The following RUSC2 variants were observed in gnomAD, a reference collection of about 807,000 sequenced individuals.
RUSC2 encodes RUN and SH3 domain containing 2.
A neutral mutation model predicts 122.2 loss-of-function variants in RUSC2; 34 were observed. That is an observed-to-expected ratio of 0.28 (90% CI 0.21 to 0.37). RUSC2 has a LOEUF of 0.37. Ranked by LOEUF, RUSC2 falls within the 10% of genes least tolerant of loss-of-function variation. The pLI is 1.00. For synonymous variants in RUSC2, 784 were observed against 790.0 expected (o/e 0.99, Z 0.13); for missense variants, 1,747 against 1,952.4 (o/e 0.89, Z 1.98).
intron 2 of RUSC2, among the ~76,000 whole-genome samples, chr9:35,554,134 A>G (rs569669432): frequency 2.6e-5 from 4 of 152,016 alleles, no homozygotes; most frequent in African/African-American, 9.7e-5. Context: ...GCGTGCTTAT[A>G]GCGCCATCTT....
chr9:35,499,984 G>A (rs1820791726), intron 1 of RUSC2, among the ~76,000 whole-genome samples: 1 of 152,136 alleles, frequency 6.6e-6, no homozygotes, highest in South Asian at 2.1e-4. Flanking sequence ...TAAAGATACA[G>A]TCAAACTTTG....
intron 1 of RUSC2, among the ~76,000 whole-genome samples, chr9:35,525,245 G>A (rs1821302777): frequency 6.6e-6 from 1 of 152,166 alleles, no homozygotes; most frequent in South Asian, 2.1e-4. Context: ...GAAATAGAAG[G>A]AAGAAGTCTA....
chr9:35,537,829 T>G (rs1375714321), intron 1 of RUSC2, among the ~76,000 whole-genome samples: 2 of 152,206 alleles, frequency 1.3e-5, no homozygotes, highest in African/African-American at 4.8e-5. Flanking sequence ...CAAGCCCTGC[T>G]TAAGACTATC....
At chr9:35,559,415 C>T (rs914270838) in intron 9 of RUSC2, 143 bp downstream of exon 9, 2 of 730,448 alleles carry the variant, frequency 2.7e-6, no homozygotes, top group Admixed American at 2.1e-5. Flanking sequence ...GGCTTCCACC[C>T]AAGGCCTTCC....
chr9:35,494,613 T>G (rs7874476), intron 1 of RUSC2, among the ~76,000 whole-genome samples: 7,589 of 152,148 alleles, frequency 0.05, 672 homozygotes, highest in African/African-American at 0.17. Context: ...AAATGCCTAT[T>G]CAAGTCCTTT....
In RUSC2 at chr9:35,555,692, C is replaced by T. The variant is rs374541449; in HGVS notation, c.2647C>T (p.Pro883Ser). Residue 883 changes from proline to serine, a missense_variant, in exon 3 of 12, where the codon CCC becomes TCC. Transcript: ENST00000361226. The surrounding 1 kb of genome is among the most constrained non-coding windows in gnomAD (Gnocchi z 4.6). ...GGGEGSMATR[P>S]SNANHLSPQA... ...TGGTGAGGGCAGCATGGCCACCAGGCCCAGTAATGGTACGAGCTCCAGCAT... is the reference window on the plus strand; with the variant it reads ...TGGTGAGGGCAGCATGGCCACCAGGTCCAGTAATGGTACGAGCTCCAGCAT... 16 of 1,588,280 alleles carry T rather than the reference C, an allele frequency of 1.0e-5. No individual in the cohort carries two copies. The South Asian group carries it at 1.7e-4, about 17-fold the overall frequency.
Position 35,555,761 on chromosome 9 carries a change from TCC to T in RUSC2, c.2656+63_2656+64del. 1 of 1,527,018 alleles carries T rather than the reference TCC, an allele frequency of 6.5e-7. No homozygotes were observed. Among genetic ancestry groups the T allele is most frequent in the Non-Finnish European group, 8.7e-7 (1 of 1,143,232 alleles). 94.6% of individuals were successfully genotyped at this position (1,527,018 alleles called of 1,614,324 possible). A position where few individuals can be genotyped will look rare whatever the true frequency, so the allele number is the denominator to read the frequency against. ...ACCTCACGCAAGCACTTCCACCACC[TCC>T]CCTTTGAGTGGTTGCTTACACTCTC... On this transcript the variant is annotated intron_variant, in intron 3 of 11. Coordinates refer to ENST00000361226, the MANE Select transcript of RUSC2 (RefSeq NM_014806.5). The surrounding 1 kb of genome is among the most constrained non-coding windows in gnomAD (Gnocchi z 4.6).
chr9:35,558,080 G>T lies in RUSC2; in HGVS notation c.3060+90G>T. The T allele has an allele frequency of 6.3e-7, 1 of 1,583,046 alleles. No individual in the cohort carries two copies. The highest frequency in any genetic ancestry group is 1.1e-5 in the South Asian group (1 of 90,322). On this transcript the variant is annotated intron_variant, in intron 6 of 11. Transcript: ENST00000361226. The surrounding 1 kb of genome is among the most constrained non-coding windows in gnomAD (Gnocchi z 4.3). ...CTTCCCTTGCTGTCTTGCATTTAGA[G>T]CCCAGGGTTGGGTACTTAGGAATGG... is the stretch of plus-strand genomic sequence containing the variant.
chr9:35,544,490 T>C (rs1033233442), intron 1 of RUSC2, among the ~76,000 whole-genome samples: 1 of 152,026 alleles, frequency 6.6e-6, no homozygotes, highest in Non-Finnish European at 1.5e-5. Context: ...ATATTTTTAG[T>C]AGAGATGGGA....
At chr9:35,544,826 C>T (rs1821713982) in intron 1 of RUSC2, among the ~76,000 whole-genome samples, 2 of 151,942 alleles carry the variant, frequency 1.3e-5, no homozygotes, top group Admixed American at 6.6e-5. Flanking sequence ...ATCTAAGAAA[C>T]CATCACCTAA....
chr9:35,514,764 C>T (rs949777756), intron 1 of RUSC2, among the ~76,000 whole-genome samples: 1 of 152,164 alleles, frequency 6.6e-6, no homozygotes. Flanking sequence ...GAGACCCACA[C>T]CCTTTCCAGT....
intron 1 of RUSC2, among the ~76,000 whole-genome samples, chr9:35,536,305 C>T (rs951620159): frequency 1.3e-5 from 2 of 152,234 alleles, no homozygotes; most frequent in South Asian, 4.1e-4. Flanking sequence ...CCTGCAACCA[C>T]TGGTTCGGAG....
At chr9:35,525,765 C>T (rs1821312207) in intron 1 of RUSC2, among the ~76,000 whole-genome samples, 1 of 152,116 alleles carries the variant, frequency 6.6e-6, no homozygotes, top group African/African-American at 2.4e-5. Context: ...CACCACTGCA[C>T]TCCAGCAAGC....
At chr9:35,508,856 G>T (rs1820963458) in intron 1 of RUSC2, among the ~76,000 whole-genome samples, 1 of 152,114 alleles carries the variant, frequency 6.6e-6, no homozygotes, top group African/African-American at 2.4e-5. Context: ...GGAAAAGACA[G>T]AAAGAATACA....
chr9:35,499,715 C>A lies in RUSC2; in HGVS notation c.-93+9543C>A, dbSNP rs186191629. Among the ~76,000 whole-genome samples, 16 of 152,070 alleles carry A rather than the reference C, an allele frequency of 1.1e-4. No individual in the cohort carries two copies. In the South Asian group the frequency reaches 2.1e-3, roughly 20 times the overall value. ...GCTTCCTTTCTTTTCCTGTATAATT[C>A]TTTTTAAAAAAAGAAAATGCACCCT... On this transcript the variant is annotated intron_variant, in intron 1 of 11. Coordinates refer to ENST00000361226, the MANE Select transcript of RUSC2 (RefSeq NM_014806.5).
chr9:35,500,803 GATAGC>G (rs889288021), intron 1 of RUSC2, among the ~76,000 whole-genome samples: 2 of 152,140 alleles, frequency 1.3e-5, no homozygotes, highest in Non-Finnish European at 2.9e-5. Flanking sequence ...TAACTTCTTA[GATAGC>G]ATAGTGTCTC....
At chr9:35,530,152 A>G (rs1253805336) in intron 1 of RUSC2, among the ~76,000 whole-genome samples, 1 of 152,112 alleles carries the variant, frequency 6.6e-6, no homozygotes, top group Admixed American at 6.6e-5. Flanking sequence ...GGGTTTCACC[A>G]TGTTGCCGAG....
At chr9:35,511,304 A>C (rs1265803244) in intron 1 of RUSC2, among the ~76,000 whole-genome samples, 1 of 152,194 alleles carries the variant, frequency 6.6e-6, no homozygotes, top group East Asian at 1.9e-4. Flanking sequence ...GATGTCTGTC[A>C]TTCTGTCTGG....
intron 1 of RUSC2, among the ~76,000 whole-genome samples, chr9:35,530,587 C>T (rs559364004): frequency 1.3e-3 from 194 of 152,044 alleles, no homozygotes; most frequent in Non-Finnish European, 2.0e-3. Context: ...CGGCATGTGA[C>T]GGGAATGGGG....
Sources: allele counts gnomAD v4.1 joint callset (sites outside exome capture counted in the v4.1 genomes callset), GRCh38; gene constraint gnomAD v4.1.1; non-coding constraint Gnocchi (gnomAD v3.1); transcripts MANE v1.5; gene names NCBI Gene and HGNC (gene_info 2026-07-23, HGNC 2026-07-21).